Variants in CNNM3 observed in about 807,000 individuals in gnomAD.
The protein encoded by CNNM3 is cyclin and CBS domain divalent metal cation transport mediator 3.
Under a neutral mutation model 57.1 loss-of-function variants are expected in CNNM3, and 47 were observed. That is an observed-to-expected ratio of 0.82 (90% CI 0.65 to 1.05). The LOEUF (loss-of-function observed/expected upper bound fraction) is 1.05, where lower values mean the gene tolerates loss of function less well. Among genes scored for constraint, CNNM3 ranks in the 50% least tolerant of loss-of-function variants. The probability of loss-of-function intolerance (pLI) is 0.00; values close to 1 mark genes in which losing one functional copy is unlikely to be tolerated. For synonymous variants in CNNM3, 507 were observed against 478.2 expected, an observed-to-expected ratio of 1.06 and a Z score of -0.79; for missense variants, 957 against 973.7, an observed-to-expected ratio of 0.98 and a Z score of 0.23.
At position 96,826,967 on chromosome 2, in the gene CNNM3, C is replaced by T. The variant is rs948665847; in HGVS notation, c.1504C>T (p.Arg502Cys). The change falls in exon 3 of 8, where the codon CGC becomes TGC. Residue 502 changes from arginine (R) to cysteine (C), a missense_variant. Around this residue, in one of 2 missense-constraint regions of CNNM3, gnomAD observed 491 missense variants for 570.6 expected, o/e 0.86. Transcript: ENST00000305510. Reference sequence around the variant, plus strand: ...GCCTCAGCTGCTCTTGGCCACCCAGCGCTTCCTGTCCCGAGGTGAGGCGGG... The same window carrying T: ...GCCTCAGCTGCTCTTGGCCACCCAGTGCTTCCTGTCCCGAGGTGAGGCGGG... The part of the protein sequence containing the change: ...ISPQLLLATQ[R>C]FLSREVDVFS... 40 of 1,613,918 alleles carry T rather than the reference C, an allele frequency of 2.5e-5. No homozygotes were observed. The Admixed American group carries it at 4.7e-4, about 19-fold the overall frequency.
At chr2:96,830,223 T>G (rs1402729126) in intron 7 of CNNM3, among the ~76,000 whole-genome samples, 1 of 152,196 alleles carries the variant, frequency 6.6e-6, no homozygotes, top group Non-Finnish European at 1.5e-5. Context: ...TGGAGGGAGC[T>G]GCAGGCTTGC....
At position 96,825,193 on chromosome 2, in the gene CNNM3, A is replaced by G; in HGVS notation, c.1361A>G (p.Glu454Gly). ...IIRSEILDES[E>G]DYRDTVVKRK... ...AGGTCCGAGATCCTGGACGAGTCTG[A>G]AGACTACCGTGAGTCCAGACTCTTG... is the stretch of plus-strand genomic sequence containing the variant. The change falls in exon 2 of 8, where the codon GAA becomes GGA. Residue 454 changes from glutamate (E) to glycine (G), a missense_variant. Coordinates refer to ENST00000305510, the MANE Select transcript of CNNM3 (RefSeq NM_017623.5). 6.2e-7 allele frequency: 1 copy of G among 1,614,044 alleles called. No homozygotes were observed. The highest frequency in any genetic ancestry group is 8.5e-7 in the Non-Finnish European group (1 of 1,179,998).
intron 1 of CNNM3, chr2:96,824,552 T>C (rs1335697227): frequency 6.2e-6 from 1 of 162,558 alleles, no homozygotes; most frequent in Non-Finnish European, 1.4e-5. Context: ...AGCATATATA[T>C]TTACTTTAAG....
chr2:96,824,627 G>A (rs990520001), intron 1 of CNNM3: 4 of 177,746 alleles, frequency 2.3e-5, no homozygotes, highest in East Asian at 1.5e-4. Flanking sequence ...CAGCTGCCCC[G>A]TGTGGACTGT....
rs771383235 is a variant in CNNM3 at position 96,828,984 on chromosome 2, G to A, written c.1921-12G>A. 11 of 1,612,894 alleles carry A rather than the reference G, an allele frequency of 6.8e-6. No homozygotes were observed. The highest frequency in any genetic ancestry group is 8.5e-6 in the Non-Finnish European group (10 of 1,179,118). On this transcript the variant is annotated splice_polypyrimidine_tract_variant and intron_variant, in intron 6 of 7. Transcript: ENST00000305510. The stretch of plus-strand genomic sequence containing the variant: ...TCACCAATTGGGTCCCAGTAACGCT[G>A]TCATCCTCCAGGTTACGCGACTGCA...
Position 96,834,555 on chromosome 2 carries a change from C to T in CNNM3, c.*1939C>T, listed in dbSNP as rs2079659623. ...GTAGAGATAGGGTCTCATTATGTTG[C>T]CTGGGGTAGTCTCGAACTCCTAGGC... On this transcript the variant is annotated 3_prime_UTR_variant, in exon 8 of 8. Coordinates refer to ENST00000305510, the MANE Select transcript of CNNM3 (RefSeq NM_017623.5). Among the ~76,000 whole-genome samples, 1 of 151,626 alleles carries T rather than the reference C, an allele frequency of 6.6e-6. No homozygotes were observed. Among genetic ancestry groups the T allele is most frequent in the South Asian group, 2.1e-4 (1 of 4,796 alleles).
Position 96,825,058 on chromosome 2 carries a change from G to C in CNNM3, c.1226G>C (p.Gly409Ala). 6.2e-7 allele frequency: 1 copy of C among 1,612,538 alleles called. No homozygotes were observed. The highest frequency in any genetic ancestry group is 8.5e-7 in the Non-Finnish European group (1 of 1,179,966). ...LDAVLEEFKR[G>A]KSHLAIVQKV... ...TTCCATGAGTGTCCTCCCCCCACAGGGAAGTCCCACCTGGCCATCGTGCAG... is the reference window on the plus strand; with the variant it reads ...TTCCATGAGTGTCCTCCCCCCACAGCGAAGTCCCACCTGGCCATCGTGCAG... Residue 409 changes from glycine to alanine, a missense_variant and splice_region_variant, in exon 2 of 8, where the codon GGG becomes GCG. Around this residue, in one of 2 missense-constraint regions of CNNM3, gnomAD observed 491 missense variants for 570.6 expected, o/e 0.86. Transcript: ENST00000305510.
chr2:96,819,325 C>G (rs1046853089), intron 1 of CNNM3, among the ~76,000 whole-genome samples: 1 of 152,240 alleles, frequency 6.6e-6, no homozygotes, highest in African/African-American at 2.4e-5. Flanking sequence ...AGGTTCCATC[C>G]TGCCCTTGCC....
rs781306978 is a variant in CNNM3, at chr2:96,832,660, T to C, written c.*44T>C. On this transcript the variant is annotated 3_prime_UTR_variant, in exon 8 of 8. Coordinates refer to ENST00000305510, the MANE Select transcript of CNNM3 (RefSeq NM_017623.5). ...CAGATCTGGGGAACAGATGAGCACG[T>C]GGGGAGCTGGAGTGAGCTGAGCAGA... 1 of 1,609,130 alleles carries C rather than the reference T, an allele frequency of 6.2e-7. No homozygotes were observed. The highest frequency in any genetic ancestry group is 2.2e-5 in the East Asian group (1 of 44,870).
intron 1 of CNNM3, among the ~76,000 whole-genome samples, chr2:96,823,535 A>G (rs921000040): frequency 1.1e-4 from 17 of 152,182 alleles, no homozygotes; most frequent in Non-Finnish European, 1.8e-4. Flanking sequence ...CTGAGTGGCA[A>G]TCTCCAGGGG....
rs1156320825 is a variant in CNNM3 at position 96,833,391 on chromosome 2, TGCATCGAATC to T, written c.*776_*785del. 1.3e-5 allele frequency: 3 copies of T among 232,724 alleles called. No homozygotes were observed. The highest frequency in any genetic ancestry group is 7.0e-5 in the African/African-American group (3 of 42,594). The allele number at this position is 232,724 out of a possible 1,614,324, so 14.4% of individuals were successfully genotyped here. A position where few individuals can be genotyped will look rare whatever the true frequency, so the allele number is the denominator to read the frequency against. On this transcript the variant is annotated 3_prime_UTR_variant, in exon 8 of 8. Coordinates refer to ENST00000305510, the MANE Select transcript of CNNM3 (RefSeq NM_017623.5). Reference sequence around the variant, plus strand: ...GCCTGGGAGGAAGGGATCGTCATGCTGCATCGAATCCTCTCTCCGCCGTGTGGCCCCCAGG... The same window carrying T: ...GCCTGGGAGGAAGGGATCGTCATGCTCTCTCTCCGCCGTGTGGCCCCCAGG...
In CNNM3 at chr2:96,817,094, G is replaced by C. The variant is rs2079333132; in HGVS notation, c.817G>C (p.Val273Leu). 2.2e-6 allele frequency: 3 copies of C among 1,341,738 alleles called. No individual in the cohort carries two copies. Among genetic ancestry groups the C allele is most frequent in the Non-Finnish European group, 1.9e-6 (2 of 1,055,738 alleles). 83.1% of individuals were successfully genotyped at this position (1,341,738 alleles called of 1,614,324 possible). Residue 273 changes from valine (V) to leucine (L), a missense_variant, in exon 1 of 8, where the codon GTG becomes CTG. Transcript: ENST00000305510. ...GCTCACTCTGCCCGTCGCGCTGCCC[G>C]TGGGGCAGCTGCTGGAGCTGGCGGC... Reference protein sequence around the residue: ...VLLTLPVALPVGQLLELAARP... With the variant: ...VLLTLPVALPLGQLLELAARP...
intron 7 of CNNM3, chr2:96,831,822 C>T (rs772922512): frequency 5.4e-5 from 12 of 223,580 alleles, no homozygotes; most frequent in African/African-American, 7.0e-5. Context: ...TGTGGGGCAG[C>T]GCAGCACCAG....
Position 96,834,502 on chromosome 2 carries a change from A to C in CNNM3, c.*1886A>C, listed in dbSNP as rs138146504. ...AGGGACTACAGGTAGGCACCACCAC[A>C]CCCAGCTAATACTTTTAATTTTTTT... On this transcript the variant is annotated 3_prime_UTR_variant, in exon 8 of 8. Transcript: ENST00000305510. Among the ~76,000 whole-genome samples, 465 of 151,834 alleles carry C rather than the reference A, an allele frequency of 3.1e-3. 2 individuals are homozygous for C. The highest frequency in any genetic ancestry group is 0.011 in the African/African-American group (453 of 41,358).
chr2:96,823,127 C>G (rs971447027), intron 1 of CNNM3, among the ~76,000 whole-genome samples: 1 of 152,196 alleles, frequency 6.6e-6, no homozygotes, highest in Non-Finnish European at 1.5e-5. Context: ...TTCAGTCACA[C>G]GACCACTGTT....
At chr2:96,826,623 G>A (rs2079509811) in intron 2 of CNNM3, among the ~76,000 whole-genome samples, 1 of 152,212 alleles carries the variant, frequency 6.6e-6, no homozygotes, top group African/African-American at 2.4e-5. Flanking sequence ...CAGCTCCAAG[G>A]CAGATAGTCA....
intron 7 of CNNM3, among the ~76,000 whole-genome samples, chr2:96,829,695 T>C (rs1041684814): frequency 6.6e-6 from 1 of 151,844 alleles, no homozygotes; most frequent in Non-Finnish European, 1.5e-5. Context: ...GACTAACTGG[T>C]ATTTAGAGTA....
At chr2:96,826,733 C>T in intron 2 of CNNM3, 100 bp from the exon 3 acceptor site, 1 of 1,441,278 alleles carries the variant, frequency 6.9e-7, no homozygotes, top group Non-Finnish European at 9.5e-7. Context: ...CGAGGACCCC[C>T]TGGCCTCAGG....
intron 1 of CNNM3, 135 bp from the exon 2 acceptor site, chr2:96,824,923 G>A (rs1342782053): frequency 6.6e-6 from 6 of 905,800 alleles, no homozygotes; most frequent in Non-Finnish European, 1.0e-5. Context: ...ACCTAGAAAA[G>A]AGTGTGGCTC....
Sources: gnomAD v4.1 joint callset for allele counts (sites outside exome capture counted in the v4.1 genomes callset) on GRCh38, gnomAD v4.1.1 for gene constraint, gnomAD v4.1.1 regional missense constraint, MANE v1.5 for transcripts, NCBI Gene and HGNC (gene_info 2026-07-23, HGNC 2026-07-21) for gene names.